The following AGBL4 variants were observed in gnomAD, a reference collection of about 807,000 sequenced individuals.
The protein encoded by AGBL4 is cytosolic carboxypeptidase 6.
In AGBL4, 58 loss-of-function variants were observed where a neutral mutation model predicts 66.4. The observed-to-expected ratio is 0.87, with a 90% confidence interval of 0.71 to 1.09. The LOEUF (loss-of-function observed/expected upper bound fraction) is 1.09, where lower values mean the gene tolerates loss of function less well. Ranked by LOEUF, AGBL4 falls within the 50% of genes least tolerant of loss-of-function variation. AGBL4 has a pLI of 0.00. For missense variants in AGBL4, 579 were observed against 631.0 expected (o/e 0.92, Z 0.88); for synonymous variants, 234 against 222.9 (o/e 1.05, Z -0.44).
At chr1:49,822,684 T>C (rs1166650408) in intron 2 of AGBL4, among the ~76,000 whole-genome samples, 1 of 152,186 alleles carries the variant, frequency 6.6e-6, no homozygotes, top group African/African-American at 2.4e-5. Flanking sequence ...TGATATTCAT[T>C]ATACAAACTC....
chr1:49,899,761 C>G (rs1649585421), intron 1 of AGBL4, among the ~76,000 whole-genome samples: 1 of 152,144 alleles, frequency 6.6e-6, no homozygotes, highest in South Asian at 2.1e-4. Context: ...TTTGCTCAGG[C>G]TGGGCACAGT....
At chr1:49,482,661 C>G (rs1480088075) in intron 3 of AGBL4, among the ~76,000 whole-genome samples, 1 of 151,816 alleles carries the variant, frequency 6.6e-6, no homozygotes, top group African/African-American at 2.4e-5. Context: ...TTCCTGTTCT[C>G]TGCTAGCTTC....
At chr1:49,823,810 A>G (rs201455594) in intron 2 of AGBL4, among the ~76,000 whole-genome samples, 1 of 50,056 alleles carries the variant, frequency 2.0e-5, no homozygotes, top group South Asian at 7.4e-4. Context: ...GTGTGTGTGT[A>G]CATACACACA....
At chr1:49,057,201 G>C (rs1419704580) in intron 4 of AGBL4, among the ~76,000 whole-genome samples, 1 of 152,090 alleles carries the variant, frequency 6.6e-6, no homozygotes, top group Non-Finnish European at 1.5e-5. Flanking sequence ...AGGAATTTGA[G>C]ATAAGCCTGG....
chr1:49,456,488 A>G (rs1191388653), intron 3 of AGBL4, among the ~76,000 whole-genome samples: 2 of 151,722 alleles, frequency 1.3e-5, no homozygotes, highest in African/African-American at 4.8e-5. Flanking sequence ...CTGGCTTGAA[A>G]TTTTAAGGCA....
intron 4 of AGBL4, among the ~76,000 whole-genome samples, chr1:49,239,615 C>T (rs1206514755): frequency 6.6e-6 from 1 of 151,916 alleles, no homozygotes; most frequent in Non-Finnish European, 1.5e-5. Context: ...TTAGCTGTTT[C>T]CGTGTTAAAA....
chr1:49,444,122 G>T (rs1255946553), intron 3 of AGBL4, among the ~76,000 whole-genome samples: 2 of 151,784 alleles, frequency 1.3e-5, no homozygotes, highest in Non-Finnish European at 2.9e-5. Flanking sequence ...GTCTGAGAAG[G>T]TACTTGATAT....
chr1:49,893,086 G>C (rs747185900), intron 1 of AGBL4, among the ~76,000 whole-genome samples: 1 of 152,140 alleles, frequency 6.6e-6, no homozygotes, highest in African/African-American at 2.4e-5. Context: ...GTCCACCAAA[G>C]TGAAAGAAAT....
chr1:48,541,630 G>A (rs113608862), intron 11 of AGBL4, among the ~76,000 whole-genome samples: 30 of 152,242 alleles, frequency 2.0e-4, no homozygotes, highest in African/African-American at 2.9e-4. Flanking sequence ...TTAGTTGGGC[G>A]TTGGGGCGCA....
chr1:48,694,048 CAAAA>C (rs61574470), intron 6 of AGBL4, among the ~76,000 whole-genome samples: 4 of 56,970 alleles, frequency 7.0e-5, no homozygotes, highest in South Asian at 7.3e-4. Context: ...TTTCCCTATT[CAAAA>C]AAAAAAAAAA....
At chr1:48,552,444 T>C (rs1208427179) in intron 11 of AGBL4, among the ~76,000 whole-genome samples, 1 of 152,354 alleles carries the variant, frequency 6.6e-6, no homozygotes, top group East Asian at 1.9e-4. Flanking sequence ...GTAATAGGTA[T>C]ACAGAACATT....
intron 3 of AGBL4, among the ~76,000 whole-genome samples, chr1:49,634,996 A>G (rs1485247205): frequency 6.6e-6 from 1 of 152,238 alleles, no homozygotes; most frequent in East Asian, 1.9e-4. Context: ...ATGATTGCCA[A>G]TCTTTTTTCT....
intron 3 of AGBL4, among the ~76,000 whole-genome samples, chr1:49,256,178 T>C (rs1432451496): frequency 6.7e-6 from 1 of 149,074 alleles, no homozygotes; most frequent in East Asian, 1.9e-4. Flanking sequence ...CAAAAAATTA[T>C]AACAAATTTT....
At chr1:48,652,134 T>G (rs1363383270) in intron 8 of AGBL4, among the ~76,000 whole-genome samples, 1 of 152,064 alleles carries the variant, frequency 6.6e-6, no homozygotes, top group East Asian at 1.9e-4. Flanking sequence ...TCCAGGAGGT[T>G]GAGGCTGCAG....
intron 1 of AGBL4, among the ~76,000 whole-genome samples, chr1:49,923,786 A>G (rs762722675): frequency 2.0e-5 from 3 of 152,224 alleles, no homozygotes; most frequent in Non-Finnish European, 4.4e-5. Flanking sequence ...ACCAGTCAGA[A>G]TAGCTATTAT....
chr1:49,967,959 C>T (rs886971608), intron 1 of AGBL4, among the ~76,000 whole-genome samples: 1 of 152,098 alleles, frequency 6.6e-6, no homozygotes, highest in Non-Finnish European at 1.5e-5. Flanking sequence ...CATGGTGGCT[C>T]ACGCCTATAA....
At chr1:49,849,718 G>A (rs1267858268) in intron 2 of AGBL4, among the ~76,000 whole-genome samples, 1 of 152,028 alleles carries the variant, frequency 6.6e-6, no homozygotes, top group African/African-American at 2.4e-5. Context: ...TATTTATTTG[G>A]TGATTACATG....
intron 6 of AGBL4, among the ~76,000 whole-genome samples, chr1:48,798,131 C>A (rs988921295): frequency 6.6e-6 from 1 of 152,056 alleles, no homozygotes; most frequent in African/African-American, 2.4e-5. Context: ...CACATCCATG[C>A]CAACATCTAT....
intron 9 of AGBL4, among the ~76,000 whole-genome samples, chr1:48,629,227 G>A (rs1453608296): frequency 6.6e-6 from 1 of 152,186 alleles, no homozygotes; most frequent in African/African-American, 2.4e-5. Context: ...GGATATAGCT[G>A]TGAGAGGAGG....
Sources: allele counts gnomAD v4.1 joint callset (sites outside exome capture counted in the v4.1 genomes callset), GRCh38; gene constraint gnomAD v4.1.1; transcripts MANE v1.5; gene names NCBI Gene and HGNC (gene_info 2026-07-23, HGNC 2026-07-21).